Variants in OGDH observed in about 807,000 individuals in gnomAD.
OGDH encodes the protein 2-oxoglutarate dehydrogenase complex component E1.
Under a neutral mutation model 116.6 loss-of-function variants are expected in OGDH, and 38 were observed. The observed-to-expected ratio is 0.33, with a 90% CI of 0.25 to 0.43. The LOEUF is 0.43. Ranked by LOEUF, OGDH falls within the 20% of genes least tolerant of loss-of-function variation. The pLI is 1.00. For synonymous variants in OGDH, 488 were observed against 533.3 expected, an observed-to-expected ratio of 0.92 and a Z score of 1.17; for missense variants, 825 against 1,357.2, an observed-to-expected ratio of 0.61 and a Z score of 6.16.
At chr7:44,627,098 G>GC (rs2117310175) in intron 2 of OGDH, among the ~76,000 whole-genome samples, 1 of 152,324 alleles carries the variant, frequency 6.6e-6, no homozygotes, top group African/African-American at 2.4e-5. Context: ...CGAGGCTCAA[G>GC]CGATTCTCCT....
chr7:44,673,649 A>T, intron 5 of OGDH, 138 bp from the exon 6 acceptor site: 1 of 819,338 alleles, frequency 1.2e-6, no homozygotes, highest in Non-Finnish European at 2.0e-6. Flanking sequence ...TCCCATCCTC[A>T]GTCACACTTG....
At chr7:44,660,743 G>A (rs1562648455) in intron 4 of OGDH, among the ~76,000 whole-genome samples, 1 of 152,098 alleles carries the variant, frequency 6.6e-6, no homozygotes, top group Non-Finnish European at 1.5e-5. Context: ...TGGCAACATA[G>A]CGAGACCCCT....
chr7:44,700,190 G>A lies in OGDH; in HGVS notation c.2480G>A (p.Trp827Ter). 6.2e-7 allele frequency: 1 copy of A among 1,614,184 alleles called. No homozygotes were observed. The highest frequency in any genetic ancestry group is 8.5e-7 in the Non-Finnish European group (1 of 1,180,020). ...FDINQLYDCN[W>*]VVVNCSTPGN... ...ATCAATCAGCTATATGACTGCAATTGGGTTGTTGTCAACTGCTCCACTCCT... is the reference window on the plus strand; with the variant it reads ...ATCAATCAGCTATATGACTGCAATTAGGTTGTTGTCAACTGCTCCACTCCT... Residue 827 changes from tryptophan (W) to a stop codon, truncating the protein, a stop_gained, in exon 19 of 23, where the codon TGG (tryptophan) becomes TAG (stop). Coordinates refer to ENST00000222673, the MANE Select transcript of OGDH (RefSeq NM_002541.4). LOFTEE classifies it high-confidence loss of function.
At chr7:44,667,441 G>C (rs1012930933) in intron 5 of OGDH, among the ~76,000 whole-genome samples, 4 of 152,166 alleles carry the variant, frequency 2.6e-5, no homozygotes, top group Non-Finnish European at 4.4e-5. Context: ...GTGGCTTCGT[G>C]CACAGCTCAG....
chr7:44,638,116 A>G (rs976574973), intron 2 of OGDH, among the ~76,000 whole-genome samples: 2 of 152,224 alleles, frequency 1.3e-5, no homozygotes, highest in African/African-American at 4.8e-5. Context: ...TGGTCAGAGA[A>G]TTAACTGTGT....
chr7:44,633,992 T>C (rs115805459), intron 2 of OGDH, among the ~76,000 whole-genome samples: 1 of 152,218 alleles, frequency 6.6e-6, no homozygotes, highest in African/African-American at 2.4e-5. Flanking sequence ...CATGAATGTT[T>C]GTATAACAAA....
intron 4 of OGDH, among the ~76,000 whole-genome samples, chr7:44,658,858 C>G (rs1480225457): frequency 5.3e-5 from 8 of 151,954 alleles, no homozygotes; most frequent in African/African-American, 1.9e-4. Context: ...TTTTTTGAGA[C>G]TGATTCTTGC....
intron 9 of OGDH, among the ~76,000 whole-genome samples, chr7:44,679,236 T>C (rs914329067): frequency 6.6e-6 from 1 of 152,186 alleles, no homozygotes; most frequent in Non-Finnish European, 1.5e-5. Flanking sequence ...GAAAAGTATC[T>C]GCGGGAAGAA....
intron 4 of OGDH, among the ~76,000 whole-genome samples, chr7:44,666,155 C>G (rs190135448): frequency 5.9e-5 from 9 of 152,302 alleles, no homozygotes; most frequent in African/African-American, 2.2e-4. Flanking sequence ...GTTGTTTGCA[C>G]GCTGCTGTGC....
intron 1 of OGDH, among the ~76,000 whole-genome samples, chr7:44,620,962 C>T (rs1445917496): frequency 3.9e-5 from 6 of 152,210 alleles, no homozygotes; most frequent in Admixed American, 3.9e-4. Flanking sequence ...TACCAAATAA[C>T]GTACTATTCT....
intron 4 of OGDH, among the ~76,000 whole-genome samples, chr7:44,654,044 G>A (rs546416507): frequency 4.6e-5 from 7 of 151,208 alleles, no homozygotes; most frequent in African/African-American, 9.7e-5. Flanking sequence ...TAGTAGAGAC[G>A]GTGTTTCACC....
intron 9 of OGDH, among the ~76,000 whole-genome samples, chr7:44,681,421 T>C (rs1401840877): frequency 6.6e-6 from 1 of 152,162 alleles, no homozygotes; most frequent in African/African-American, 2.4e-5. Context: ...AGTGCTGCCC[T>C]CCCGGAACAG....
intron 20 of OGDH, among the ~76,000 whole-genome samples, chr7:44,702,537 C>T (rs1788879596): frequency 6.6e-6 from 1 of 151,948 alleles, no homozygotes; most frequent in Admixed American, 6.6e-5. Flanking sequence ...AAGGTGAGCC[C>T]CTTGTTTTTT....
chr7:44,644,545 C>T (rs1786086587), intron 2 of OGDH, among the ~76,000 whole-genome samples: 1 of 152,184 alleles, frequency 6.6e-6, no homozygotes, highest in Non-Finnish European at 1.5e-5. Context: ...GTATATATTT[C>T]TCTCCTCATA....
intron 2 of OGDH, among the ~76,000 whole-genome samples, chr7:44,641,353 G>A (rs1393232593): frequency 6.7e-6 from 1 of 150,248 alleles, no homozygotes; most frequent in Non-Finnish European, 1.5e-5. Context: ...AGCCTCCCAA[G>A]TAGCTGGGAC....
intron 20 of OGDH, among the ~76,000 whole-genome samples, chr7:44,702,275 G>A (rs1231959739): frequency 6.6e-6 from 1 of 152,220 alleles, no homozygotes; most frequent in Non-Finnish European, 1.5e-5. Flanking sequence ...CAGCAGGTGA[G>A]TGGCAGCTCA....
chr7:44,645,201 G>A, intron 2 of OGDH, 126 bp from the exon 3 acceptor site: 1 of 817,594 alleles, frequency 1.2e-6, no homozygotes, highest in East Asian at 2.5e-5. Context: ...CACTGTCCAG[G>A]AGGAAGCAGG....
Position 44,697,627 on chromosome 7 carries a change from G to A in OGDH, c.2203G>A (p.Ala735Thr). 1 of 1,614,246 alleles carries A rather than the reference G, an allele frequency of 6.2e-7. No individual in the cohort carries two copies. The highest frequency in any genetic ancestry group is 1.1e-5 in the South Asian group (1 of 91,088). Residue 735 changes from alanine (A) to threonine (T), a missense_variant, in exon 17 of 23, where the codon GCC (alanine) becomes ACC (threonine). Around this residue, in one of 7 missense-constraint regions of OGDH, gnomAD observed 73 missense variants for 182.3 expected, o/e 0.40. Transcript: ENST00000222673. This position sits in a 1 kb window ranked among gnomAD's most constrained non-coding sequence, Gnocchi z 6.0. ...VLGFELGFAM[A>T]SPNALVLWEA... ...AGGCTTTGAGCTGGGCTTCGCCATGGCCAGTCCTAATGCCCTGGTCCTCTG... is the reference window on the plus strand; with the variant it reads ...AGGCTTTGAGCTGGGCTTCGCCATGACCAGTCCTAATGCCCTGGTCCTCTG...
intron 1 of OGDH, among the ~76,000 whole-genome samples, chr7:44,620,054 T>C (rs999089961): frequency 6.6e-6 from 1 of 152,228 alleles, no homozygotes; most frequent in Non-Finnish European, 1.5e-5. Context: ...AGAGTCTCGC[T>C]CTGTCACTCA....
Sources: allele counts gnomAD v4.1 joint callset (sites outside exome capture counted in the v4.1 genomes callset), GRCh38; gene constraint gnomAD v4.1.1; regional missense constraint gnomAD v4.1.1; non-coding constraint Gnocchi (gnomAD v3.1); transcripts MANE v1.5; gene names NCBI Gene and HGNC (gene_info 2026-07-23, HGNC 2026-07-21).